The following LPIN3 variants were observed in gnomAD, a reference collection of about 807,000 sequenced individuals.
LPIN3 encodes phosphatidate phosphatase LPIN3.
In LPIN3, 82 loss-of-function variants were observed where a neutral mutation model predicts 94.7. The ratio of observed to expected loss-of-function variants is 0.87; its 90% CI spans 0.72 to 1.04. The LOEUF is 1.04. LPIN3 is among the 50% of genes least tolerant of loss of function. LPIN3 has a pLI of 0.00. For missense variants in LPIN3, 996 were observed against 1,090.5 expected (o/e 0.91, Z 1.22); for synonymous variants, 418 against 443.3 (o/e 0.94, Z 0.72).
In LPIN3 at chr20:41,352,116, G is replaced by A. The variant is rs754400245; in HGVS notation, c.1259G>A (p.Arg420Lys). The change falls in exon 9 of 20, where the codon AGG becomes AAG. Residue 420 changes from arginine (R) to lysine (K), a missense_variant. By Grantham distance (26) the Arg-to-Lys change is conservative. Coordinates refer to ENST00000373257, the MANE Select transcript of LPIN3 (RefSeq NM_022896.3). ...GAACCCAGCAGTCAGAAGTCCCTGA[G>A]GGACCCCAACCCTGAACATGAACCT... Reference protein sequence around the residue: ...WSEPSSQKSLRDPNPEHEPEP... With the variant: ...WSEPSSQKSLKDPNPEHEPEP... The A allele has an allele frequency of 5.0e-6, 8 of 1,614,238 alleles. No individual in the cohort carries two copies. Among genetic ancestry groups the A allele is most frequent in the Non-Finnish European group, 6.8e-6 (8 of 1,180,044 alleles).
intron 13 of LPIN3, among the ~76,000 whole-genome samples, chr20:41,355,519 A>G (rs541899896): frequency 1.3e-5 from 2 of 152,300 alleles, no homozygotes; most frequent in Non-Finnish European, 2.9e-5. Flanking sequence ...TCTTTTCCAC[A>G]TCTGAAGTGA....
rs2045751468 is a variant in LPIN3 at position 41,345,865 on chromosome 20, G to T, written c.62G>T (p.Gly21Val). Residue 21 changes from glycine (G) to valine (V), a missense_variant, in exon 2 of 20, where the codon GGC (glycine) becomes GTC (valine). Transcript: ENST00000373257. ...GGGACGGTGAAGGAGCTGTACCGGG[G>T]CCTGAACCCAGCCACACTGAGCGGC... ...VFGTVKELYR[G>V]LNPATLSGGI... is the part of the protein sequence containing the mutation. The T allele has an allele frequency of 1.2e-6, 2 of 1,614,100 alleles. No individual in the cohort carries two copies. Among genetic ancestry groups the T allele is most frequent in the African/African-American group, 2.7e-5 (2 of 74,944 alleles).
intron 14 of LPIN3, 127 bp from the exon 15 acceptor site, chr20:41,356,913 C>T (rs2046226202): frequency 8.9e-7 from 1 of 1,117,566 alleles, no homozygotes; most frequent in East Asian, 2.4e-5. Context: ...ATCCAAGAAG[C>T]ATCTCTGAGC....
At chr20:41,352,569 G>A in intron 9 of LPIN3, 37 bp from the exon 10 acceptor site, 1 of 1,561,578 alleles carries the variant, frequency 6.4e-7, no homozygotes, top group African/African-American at 1.4e-5. Flanking sequence ...CACATGGGAT[G>A]TGCCAGCCTC....
chr20:41,344,797 C>T (rs1432068983), intron 1 of LPIN3, among the ~76,000 whole-genome samples: 5 of 152,192 alleles, frequency 3.3e-5, no homozygotes, highest in African/African-American at 9.6e-5. Flanking sequence ...TGGGTCTGAG[C>T]GCCTAGCCAG....
intron 11 of LPIN3, 95 bp downstream of exon 11, chr20:41,352,962 TG>T: frequency 7.1e-7 from 1 of 1,408,632 alleles, no homozygotes; most frequent in Non-Finnish European, 1.0e-6. Flanking sequence ...TGAGCAGAGA[TG>T]GGCCTGGGAG....
At chr20:41,347,412 A>G (rs1237639515) in intron 2 of LPIN3, 140 bp from the exon 3 acceptor site, 1 of 716,768 alleles carries the variant, frequency 1.4e-6, no homozygotes, top group African/African-American at 1.8e-5. Flanking sequence ...GCAGCCAGGC[A>G]CTTGAGGTCC....
At chr20:41,350,486 C>A in intron 7 of LPIN3, 89 bp downstream of exon 7, 1 of 1,021,964 alleles carries the variant, frequency 9.8e-7, no homozygotes, top group Non-Finnish European at 1.4e-6. Flanking sequence ...TTTTGAGCAC[C>A]TGCTGTGTGC....
At chr20:41,355,549 G>GA (rs1260666228) in intron 13 of LPIN3, among the ~76,000 whole-genome samples, 1 of 152,218 alleles carries the variant, frequency 6.6e-6, no homozygotes, top group South Asian at 2.1e-4. Context: ...CTAAGGCTGG[G>GA]TGGAGAGTAG....
chr20:41,360,566 AGAGAACTCTTGGCT>A (rs2046348099), exon 20 of LPIN3: 1 of 152,732 alleles, frequency 6.5e-6, no homozygotes, highest in Non-Finnish European at 1.5e-5. Flanking sequence ...AAGGGAATAA[AGAGAACTCTTGGCT>A]GAGTCTTTGT....
Position 41,352,365 on chromosome 20 carries a change from G to A in LPIN3, c.1363+145G>A, listed in dbSNP as rs981728709. 2.4e-5 allele frequency: 24 copies of A among 992,090 alleles called. 1 individual carries two copies. The Middle Eastern group carries it at 1.7e-3, about 72-fold the overall frequency. The allele number at this position is 992,090 out of a possible 1,614,324, so 61.5% of individuals were successfully genotyped here. On this transcript the variant is annotated intron_variant, in intron 9 of 19. Transcript: ENST00000373257. ...CTCTGCCCTGTGCAGTCCACACTCC[G>A]CCAGCAGGGGCTGGACCTTCCCAAG...
chr20:41,349,750 G>A, intron 5 of LPIN3, 24 bp from the exon 6 acceptor site: 1 of 1,601,460 alleles, frequency 6.2e-7, no homozygotes, highest in South Asian at 1.1e-5. Flanking sequence ...GCAGGCTCAA[G>A]GCCTCTCAAT....
chr20:41,357,449 T>G lies in LPIN3; in HGVS notation c.2039+2T>G. 6.2e-7 allele frequency: 1 copy of G among 1,612,008 alleles called. No individual in the cohort carries two copies. The highest frequency in any genetic ancestry group is 8.5e-7 in the Non-Finnish European group (1 of 1,179,296). On this transcript the variant is annotated splice_donor_variant, in intron 16 of 19. Coordinates refer to ENST00000373257, the MANE Select transcript of LPIN3 (RefSeq NM_022896.3). LOFTEE classifies it high-confidence loss of function. ...CAGTCTCTATCACAAAATCCAACTG[T>G]GAGTGCCTGGGCTGGGGCTGGGGCT...
At chr20:41,348,302 C>T (rs913514662) in intron 3 of LPIN3, among the ~76,000 whole-genome samples, 14 of 152,164 alleles carry the variant, frequency 9.2e-5, no homozygotes, top group African/African-American at 3.4e-4. Flanking sequence ...AGTCAAGGCT[C>T]CTTCCTGGAG....
chr20:41,359,041 C>A lies in LPIN3; in HGVS notation c.*175C>A. The A allele has an allele frequency of 1.4e-6, 1 of 723,524 alleles. No individual in the cohort carries two copies. The highest frequency in any genetic ancestry group is 2.2e-6 in the Non-Finnish European group (1 of 451,434). 44.8% of individuals were successfully genotyped at this position (723,524 alleles called of 1,614,324 possible). A position where few individuals can be genotyped will look rare whatever the true frequency, so the allele number is the denominator to read the frequency against. ...CCCCATCTTCCCCGTCATATTTTTG[C>A]CAGCTAAGCTGCAGCTGCTCCAGGC... On this transcript the variant is annotated 3_prime_UTR_variant, in exon 20 of 20. Transcript: ENST00000373257.
rs374501980 is a variant in LPIN3 at position 41,357,176 on chromosome 20, G to A, written c.1940G>A (p.Gly647Asp). ...AAGGTGGTCATCTCTGACATCGACG[G>A]CACCATCACCAAGTGAGGCCCACCC... The part of the protein sequence containing the change: ...DDKVVISDID[G>D]TITKSDALGH... The change falls in exon 15 of 20, where the codon GGC becomes GAC. Residue 647 changes from glycine (G) to aspartate (D), a missense_variant. Coordinates refer to ENST00000373257, the MANE Select transcript of LPIN3 (RefSeq NM_022896.3). 8.9e-5 allele frequency: 144 copies of A among 1,613,894 alleles called. No individual in the cohort carries two copies. Among genetic ancestry groups the A allele is most frequent in the Non-Finnish European group, 1.2e-4 (140 of 1,180,022 alleles).
In LPIN3 at chr20:41,360,044, G is replaced by C. The variant is rs1184286149; in HGVS notation, c.*1178G>C. On this transcript the variant is annotated 3_prime_UTR_variant, in exon 20 of 20. Transcript: ENST00000373257. ...GGAGGGCAGAATACCAAATGTCCAG[G>C]AACCAAAGGCAGGGCTGTGGGGACC... is the stretch of plus-strand genomic sequence containing the variant. The C allele has an allele frequency of 6.5e-6, 1 of 152,700 alleles. No homozygotes were observed. Among genetic ancestry groups the C allele is most frequent in the Non-Finnish European group, 1.5e-5 (1 of 68,100 alleles). The allele number at this position is 152,700 out of a possible 1,614,324, so 9.5% of individuals were successfully genotyped here.
intron 1 of LPIN3, among the ~76,000 whole-genome samples, chr20:41,342,526 A>G (rs867182672): frequency 7.9e-5 from 12 of 152,074 alleles, no homozygotes; most frequent in Non-Finnish European, 1.0e-4. Context: ...AGGGTGATAG[A>G]GGGGAGCCAA....
In LPIN3 at chr20:41,357,457, TGGGCTG is replaced by T. The variant is rs201428897; in HGVS notation, c.2039+23_2039+28del. On this transcript the variant is annotated intron_variant, in intron 16 of 19. Transcript: ENST00000373257. Reference sequence around the variant, plus strand: ...ATCACAAAATCCAACTGTGAGTGCCTGGGCTGGGGCTGGGGCTGAGGCGAGGCCCCC... The same window carrying T: ...ATCACAAAATCCAACTGTGAGTGCCTGGGCTGGGGCTGAGGCGAGGCCCCC... The T allele has an allele frequency of 0.016, 26,291 of 1,609,436 alleles. 283 individuals are homozygous for T. The highest frequency in any genetic ancestry group is 0.019 in the Non-Finnish European group (22,482 of 1,177,664).
Sources: gnomAD v4.1 joint callset for allele counts (sites outside exome capture counted in the v4.1 genomes callset) on GRCh38, gnomAD v4.1.1 for gene constraint, MANE v1.5 for transcripts, NCBI Gene and HGNC (gene_info 2026-07-23, HGNC 2026-07-21) for gene names.